Variants in MRC1 observed in about 807,000 individuals in gnomAD.
MRC1 encodes the protein mannose receptor C-type 1.
A neutral mutation model predicts 102.9 loss-of-function variants in MRC1; 62 were observed. The ratio of observed to expected loss-of-function variants is 0.60; its 90% confidence interval spans 0.49 to 0.74. The LOEUF (loss-of-function observed/expected upper bound fraction) is 0.74. Among genes scored for constraint, MRC1 ranks in the 30% least tolerant of loss-of-function variants. The pLI is 0.00. For missense variants in MRC1, 1,237 were observed against 862.8 expected, an observed-to-expected ratio of 1.43 and a Z score of -5.43; for synonymous variants, 457 against 298.4, an observed-to-expected ratio of 1.53 and a Z score of -5.48.
intron 9 of MRC1, among the ~76,000 whole-genome samples, chr10:17,860,034 T>G (rs1329299403): frequency 6.6e-6 from 1 of 152,126 alleles, no homozygotes; most frequent in Non-Finnish European, 1.5e-5. Context: ...CGGTTCCAAC[T>G]CCCTGCCTCA....
intron 5 of MRC1, among the ~76,000 whole-genome samples, chr10:17,842,136 A>T (rs1488607415): frequency 1.3e-5 from 2 of 151,758 alleles, no homozygotes; most frequent in Non-Finnish European, 2.9e-5. Context: ...CTAATTTTTT[A>T]ATTTTTTGTA....
chr10:17,874,510 C>T (rs995531233), intron 16 of MRC1, among the ~76,000 whole-genome samples: 1 of 152,140 alleles, frequency 6.6e-6, no homozygotes, highest in Admixed American at 6.5e-5. Flanking sequence ...TCCCATTTTC[C>T]ATGTAAGCTA....
chr10:17,871,056 A>C (rs1361547089), intron 14 of MRC1, 121 bp downstream of exon 14: 6 of 735,172 alleles, frequency 8.2e-6, no homozygotes, highest in African/African-American at 3.5e-5. Flanking sequence ...CTATCCTGCC[A>C]TGCAAAATTG....
chr10:17,846,787 G>T (rs1554840257), intron 6 of MRC1, among the ~76,000 whole-genome samples: 3 of 152,160 alleles, frequency 2.0e-5, no homozygotes, highest in African/African-American at 7.2e-5. Context: ...CTGTCCAAAA[G>T]CTATTGCAGA....
chr10:17,830,251 C>T (rs1008943315), intron 3 of MRC1, among the ~76,000 whole-genome samples: 9,117 of 151,210 alleles, frequency 0.06, 454 homozygotes, highest in Non-Finnish European at 0.094. Context: ...CCTGCCTCAG[C>T]CTCCTGAGTA....
chr10:17,874,534 C>G (rs1036311598), intron 16 of MRC1, among the ~76,000 whole-genome samples: 8 of 152,122 alleles, frequency 5.3e-5, no homozygotes, highest in African/African-American at 1.9e-4. Context: ...TTCATAGGTT[C>G]CAGGGGTTAG....
At chr10:17,848,631 G>A (rs1338697354) in intron 6 of MRC1, among the ~76,000 whole-genome samples, 2 of 152,134 alleles carry the variant, frequency 1.3e-5, no homozygotes, top group African/African-American at 4.8e-5. Flanking sequence ...AGAAGAACAT[G>A]GGGTGGGTGG....
At chr10:17,838,171 C>T (rs1031255196) in intron 4 of MRC1, among the ~76,000 whole-genome samples, 3 of 152,158 alleles carry the variant, frequency 2.0e-5, no homozygotes, top group East Asian at 1.9e-4. Flanking sequence ...CTGTGTCTCA[C>T]GCACAGAACA....
intron 12 of MRC1, among the ~76,000 whole-genome samples, chr10:17,869,638 T>C (rs1209848725): frequency 1.3e-5 from 2 of 152,206 alleles, no homozygotes; most frequent in African/African-American, 4.8e-5. Context: ...ATCTTTTAAA[T>C]TTAATTTTGC....
Position 17,910,652 on chromosome 10 carries a change from G to C in MRC1, c.*187G>C, listed in dbSNP as rs1473564093. On this transcript the variant is annotated 3_prime_UTR_variant, in exon 30 of 30. Coordinates refer to ENST00000569591, the MANE Select transcript of MRC1 (RefSeq NM_002438.4). ...CCTGGCAAGATATTTTCATAAAAGA[G>C]GGATAACAATGCTGATTACTACCTT... is the stretch of plus-strand genomic sequence containing the variant. 9 of 656,614 alleles carry C rather than the reference G, an allele frequency of 1.4e-5. No homozygotes were observed. The highest frequency in any genetic ancestry group is 1.9e-5 in the Non-Finnish European group (7 of 366,680). 40.7% of individuals were successfully genotyped at this position (656,614 alleles called of 1,614,324 possible).
intron 6 of MRC1, among the ~76,000 whole-genome samples, chr10:17,849,326 AAG>A (rs1309938569): frequency 6.6e-5 from 10 of 151,612 alleles, no homozygotes; most frequent in African/African-American, 2.4e-4. Context: ...AAAAGAAAGA[AAG>A]AAAGTTGATA....
At position 17,880,594 on chromosome 10, in the gene MRC1, A is replaced by C; in HGVS notation, c.2789A>C (p.Asn930Thr). ...FICQRHNSSI[N>T]ATTVMPTMPS... ...TGCCAGCGACATAACAGTAGTATCA[A>C]TGCTACCACAGTTATGCCTACCATG... Residue 930 changes from asparagine (N) to threonine (T), a missense_variant, in exon 20 of 30, where the codon AAT becomes ACT. Coordinates refer to ENST00000569591, the MANE Select transcript of MRC1 (RefSeq NM_002438.4). The C allele has an allele frequency of 1.3e-6, 1 of 780,876 alleles. No individual in the cohort carries two copies. Among genetic ancestry groups the C allele is most frequent in the Non-Finnish European group, 2.4e-6 (1 of 417,958 alleles). The allele number at this position is 780,876 out of a possible 1,614,324, so 48.4% of individuals were successfully genotyped here. A position where few individuals can be genotyped will look rare whatever the true frequency, so the allele number is the denominator to read the frequency against.
chr10:17,833,520 C>CAAAAAA (rs34179956), intron 3 of MRC1, among the ~76,000 whole-genome samples, 155 bp from the exon 4 acceptor site: 1 of 106,572 alleles, frequency 9.4e-6, no homozygotes, highest in East Asian at 2.8e-4. Flanking sequence ...GACTCTGTCT[C>CAAAAAA]AAAAAAAAAA....
At chr10:17,888,663 G>A (rs1833633721) in intron 22 of MRC1, among the ~76,000 whole-genome samples, 1 of 152,016 alleles carries the variant, frequency 6.6e-6, no homozygotes. Flanking sequence ...AATTTGTTAA[G>A]GCATGTTTTA....
At chr10:17,903,617 A>T (rs568218291) in intron 26 of MRC1, among the ~76,000 whole-genome samples, 39 of 151,860 alleles carry the variant, frequency 2.6e-4, no homozygotes, top group Admixed American at 1.3e-3. Context: ...GCTGTTTTCG[A>T]ACTCCTGACC....
At chr10:17,906,813 C>T (rs1024926559) in intron 26 of MRC1, 73 bp from the exon 27 acceptor site, 9 of 780,152 alleles carry the variant, frequency 1.2e-5, no homozygotes, top group Non-Finnish European at 2.2e-5. Context: ...CTCTCAATAG[C>T]AGTGCTGTTT....
At chr10:17,909,088 G>A (rs963962187) in intron 28 of MRC1, among the ~76,000 whole-genome samples, 4 of 152,262 alleles carry the variant, frequency 2.6e-5, no homozygotes, top group African/African-American at 9.6e-5. Flanking sequence ...CTATGGCTCA[G>A]ACAGAGAGAC....
intron 17 of MRC1, among the ~76,000 whole-genome samples, chr10:17,876,357 C>T (rs1020400470): frequency 1.3e-5 from 2 of 151,682 alleles, no homozygotes; most frequent in African/African-American, 2.4e-5. Flanking sequence ...AAGCAGTTCT[C>T]CTGCCTCAGC....
At chr10:17,886,381 ACTGTCCCTTTCC>A (rs1229307913) in intron 22 of MRC1, among the ~76,000 whole-genome samples, 2 of 120,808 alleles carry the variant, frequency 1.7e-5, no homozygotes, top group Non-Finnish European at 3.3e-5. Context: ...TCCCTCTTTC[ACTGTCCCTTTCC>A]CTCTCCCTTT....
Sources: gnomAD v4.1 joint callset for allele counts (sites outside exome capture counted in the v4.1 genomes callset) on GRCh38, gnomAD v4.1.1 for gene constraint, MANE v1.5 for transcripts, NCBI Gene and HGNC (gene_info 2026-07-23, HGNC 2026-07-21) for gene names.